ZNF808: variants seen among roughly 807,000 people sequenced by gnomAD.
ZNF808 encodes zinc finger protein 808.
Under a neutral mutation model 8.7 loss-of-function variants are expected in ZNF808, and 5 were observed. That is an observed-to-expected ratio of 0.58 (90% CI 0.30 to 1.21). The LOEUF is 1.21. ZNF808 is among the 50% of genes most tolerant of loss of function. The pLI is 0.07. For synonymous variants in ZNF808, 380 were observed against 366.0 expected (o/e 1.04, Z -0.44); for missense variants, 1,103 against 1,098.4 (o/e 1.00, Z -0.06).
chr19:52,543,164 G>GGACTTCTTTCTACAGGGT, intron 2 of ZNF808, 102 bp from the exon 3 acceptor site: 1 of 1,215,530 alleles, frequency 8.2e-7, no homozygotes, highest in Non-Finnish European at 1.2e-6. Flanking sequence ...GGGCAGTGGG[G>GGACTTCTTTCTACAGGGT]GACTTCTTTC....
chr19:52,566,971 G>A (rs867148710), downstream of ZNF808, among the ~76,000 whole-genome samples: 1 of 63,056 alleles, frequency 1.6e-5, no homozygotes. Flanking sequence ...TTTTTTTTTT[G>A]ATGGAGCTTC....
chr19:52,546,943 C>CT (rs1172936091), intron 3 of ZNF808, among the ~76,000 whole-genome samples: 3,121 of 78,408 alleles, frequency 0.04, 262 homozygotes, highest in African/African-American at 0.1. Context: ...CCTGGAATTG[C>CT]TTTTTTTTTT....
intron 3 of ZNF808, among the ~76,000 whole-genome samples, chr19:52,545,409 A>T (rs118125856): frequency 6.6e-6 from 1 of 152,300 alleles, no homozygotes; most frequent in Middle Eastern, 3.4e-3. Flanking sequence ...AACATTTGCA[A>T]TAAGTTTTAT....
At chr19:52,566,166 GT>G (rs2059872644), downstream of ZNF808, among the ~76,000 whole-genome samples, 3 of 151,834 alleles carry the variant, frequency 2.0e-5, no homozygotes, top group African/African-American at 7.3e-5. Context: ...TATATAGTTT[GT>G]TTTGTTTTGT....
At chr19:52,565,338 AG>A (rs1267104599), downstream of ZNF808, among the ~76,000 whole-genome samples, 1 of 152,188 alleles carries the variant, frequency 6.6e-6, no homozygotes, top group African/African-American at 2.4e-5. Context: ...TACTTGTGAA[AG>A]GAAAATCAAA....
intron 1 of ZNF808, among the ~76,000 whole-genome samples, chr19:52,532,436 A>G (rs1318969116): frequency 1.3e-5 from 2 of 152,064 alleles, no homozygotes; most frequent in Admixed American, 6.6e-5. Flanking sequence ...CGATTATTTG[A>G]TAATACAGAA....
At chr19:52,537,360 A>T (rs893488887) in intron 2 of ZNF808, among the ~76,000 whole-genome samples, 1 of 151,234 alleles carries the variant, frequency 6.6e-6, no homozygotes, top group African/African-American at 2.4e-5. Flanking sequence ...AGAATGAGAG[A>T]TATGTACAGA....
At chr19:52,551,258 A>G (rs989769008) in intron 4 of ZNF808, among the ~76,000 whole-genome samples, 1 of 152,042 alleles carries the variant, frequency 6.6e-6, no homozygotes, top group African/African-American at 2.4e-5. Flanking sequence ...AGGCTGAGAC[A>G]GGAGAGTCAC....
intron 3 of ZNF808, among the ~76,000 whole-genome samples, chr19:52,547,068 C>G (rs2059729182): frequency 6.6e-6 from 1 of 151,638 alleles, no homozygotes; most frequent in African/African-American, 2.4e-5. Context: ...CTGCCTCAGC[C>G]TCCTGTGTAG....
chr19:52,544,748 T>C lies in ZNF808; in HGVS notation c.63+1401T>C, dbSNP rs116503312. On this transcript the variant is annotated intron_variant, in intron 3 of 4. Transcript: ENST00000359798. Reference sequence around the variant, plus strand: ...GATCCTCCCCTCTTGGTCTCCCAAATTGCTGGCATTCCAAATGGGAGACAG... The same window carrying C: ...GATCCTCCCCTCTTGGTCTCCCAAACTGCTGGCATTCCAAATGGGAGACAG... Among the ~76,000 whole-genome samples the C allele has an allele frequency of 6.1e-3, 928 of 152,236 alleles. 8 individuals are homozygous for C. The highest frequency in any genetic ancestry group is 0.02 in the African/African-American group (825 of 41,552).
intron 2 of ZNF808, among the ~76,000 whole-genome samples, chr19:52,535,086 G>C (rs1218772940): frequency 1.3e-5 from 2 of 151,028 alleles, no homozygotes; most frequent in Admixed American, 6.6e-5. Flanking sequence ...AATCCTAGCA[G>C]TTTGGGAGGC....
At chr19:52,541,555 C>T (rs888818672) in intron 2 of ZNF808, among the ~76,000 whole-genome samples, 30 of 151,996 alleles carry the variant, frequency 2.0e-4, no homozygotes, top group Non-Finnish European at 2.9e-5. Context: ...AGGAATAAGA[C>T]CGGAAAAGCT....
At position 52,556,207 on chromosome 19, in the gene ZNF808, C is replaced by T. The variant is rs1294369034; in HGVS notation, c.*579C>T. 1 of 259,550 alleles carries T rather than the reference C, an allele frequency of 3.9e-6. No homozygotes were observed. Among genetic ancestry groups the T allele is most frequent in the African/African-American group, 2.3e-5 (1 of 43,486 alleles). 16.1% of individuals were successfully genotyped at this position (259,550 alleles called of 1,614,324 possible). A position where few individuals can be genotyped will look rare whatever the true frequency, so the allele number is the denominator to read the frequency against. ...AGGTGTGGTGGCTCAGGCCTGTAAT[C>T]CCAGCACGTTGGAAGACCAAGGCAC... On this transcript the variant is annotated 3_prime_UTR_variant, in exon 5 of 5. Transcript: ENST00000359798.
At chr19:52,544,042 T>C (rs979459288) in intron 3 of ZNF808, among the ~76,000 whole-genome samples, 13 of 152,002 alleles carry the variant, frequency 8.6e-5, no homozygotes, top group Admixed American at 6.6e-4. Flanking sequence ...GCCTGTAATC[T>C]CAGCTACTCA....
In ZNF808 at chr19:52,555,423, GTCA is replaced by G; in HGVS notation, c.2512_2514del (p.His838del). ...TTTAATGAACAATCACACCTTTCAC[GTCA>G]TCATAGAATTCATACTGGAGAGAAA... On this transcript the variant is annotated inframe_deletion, in exon 5 of 5. Coordinates refer to ENST00000359798, the MANE Select transcript of ZNF808 (RefSeq NM_001039886.4). 1 of 1,614,016 alleles carries G rather than the reference GTCA, an allele frequency of 6.2e-7. No homozygotes were observed. Among genetic ancestry groups the G allele is most frequent in the Non-Finnish European group, 8.5e-7 (1 of 1,179,968 alleles).
downstream of ZNF808, among the ~76,000 whole-genome samples, chr19:52,565,283 AAT>A (rs2059870406): frequency 1.3e-5 from 2 of 152,276 alleles, no homozygotes; most frequent in East Asian, 3.9e-4. Flanking sequence ...CATCTGAAAA[AAT>A]AAAAAACAAT....
downstream of ZNF808, among the ~76,000 whole-genome samples, chr19:52,566,503 C>A (rs2059873321): frequency 6.6e-6 from 1 of 151,958 alleles, no homozygotes; most frequent in Admixed American, 6.6e-5. Flanking sequence ...AAATAAAAAC[C>A]CATTCTATAT....
At chr19:52,562,633 A>G (rs1311726397) in intron 3 of ZNF808, among the ~76,000 whole-genome samples, 1 of 152,202 alleles carries the variant, frequency 6.6e-6, no homozygotes, top group Non-Finnish European at 1.5e-5. Context: ...AAATTTTCCC[A>G]GTATACAGTC....
In ZNF808 at chr19:52,553,629, A is replaced by T. The variant is rs569667838; in HGVS notation, c.713A>T (p.Lys238Ile). ...TCTTTCCCATGTAATGAGAGTGGCA[A>T]AGCCTTTAATTGTAGCTCACTCTTA... ...EKSFPCNESG[K>I]AFNCSSLLRK... Residue 238 changes from lysine to isoleucine, a missense_variant, in exon 5 of 5, where the codon AAA becomes ATA. Transcript: ENST00000359798. The T allele has an allele frequency of 6.2e-7, 1 of 1,614,192 alleles. No individual in the cohort carries two copies. The highest frequency in any genetic ancestry group is 1.7e-5 in the Admixed American group (1 of 60,016).
Sources: allele counts gnomAD v4.1 joint callset (sites outside exome capture counted in the v4.1 genomes callset), GRCh38; gene constraint gnomAD v4.1.1; transcripts MANE v1.5; gene names NCBI Gene and HGNC (gene_info 2026-07-23, HGNC 2026-07-21).